The following GINS4 variants were observed in gnomAD, a reference collection of about 807,000 sequenced individuals.
The protein encoded by GINS4 is GINS complex subunit 4.
GINS4 carries 20 observed loss-of-function variants against 31.1 expected under a neutral mutation model. That is an observed-to-expected ratio of 0.64 (90% CI 0.45 to 0.93). The LOEUF is 0.93. Among genes scored for constraint, GINS4 ranks in the 40% least tolerant of loss-of-function variants. GINS4 has a pLI of 0.00. For missense variants in GINS4, 245 were observed against 273.9 expected (o/e 0.89, Z 0.75); for synonymous variants, 85 against 97.9 (o/e 0.87, Z 0.78).
chr8:41,539,681 G>A lies in GINS4; in HGVS notation c.301G>A (p.Glu101Lys). The stretch of plus-strand genomic sequence containing the variant: ...AGATTTTGCTTTATCCTCACAGATA[G>A]AGAAGTTTTTCCCTCATGTCCTTGA... Reference protein sequence around the residue: ...SYLRCRLMKIEKFFPHVLEKE... With the variant: ...SYLRCRLMKIKKFFPHVLEKE... The change falls in exon 5 of 8, where the codon GAG (glutamate) becomes AAG (lysine). Residue 101 changes from glutamate to lysine, a missense_variant. Coordinates refer to ENST00000276533, the MANE Select transcript of GINS4 (RefSeq NM_032336.3). 1.9e-6 allele frequency: 3 copies of A among 1,609,820 alleles called. No individual in the cohort carries two copies. Among genetic ancestry groups the A allele is most frequent in the Non-Finnish European group, 2.6e-6 (3 of 1,176,320 alleles).
chr8:41,535,449 TTTTG>T (rs1051827832), intron 2 of GINS4, among the ~76,000 whole-genome samples: 43 of 152,316 alleles, frequency 2.8e-4, no homozygotes, highest in East Asian at 3.9e-4. Context: ...TGCAGGTTTT[TTTTG>T]TTTGTTTGTT....
At position 41,539,939 on chromosome 8, in the gene GINS4, A is replaced by G. The variant is rs1226326557; in HGVS notation, c.419A>G (p.Tyr140Cys). 6 of 1,614,046 alleles carry G rather than the reference A, an allele frequency of 3.7e-6. No homozygotes were observed. The highest frequency in any genetic ancestry group is 2.7e-5 in the African/African-American group (2 of 74,934). ...AGGTTCATGGCGAACACAGAGTCCT[A>G]TCTGAAAAATGTCGCCTTGAAGCAC... ...AREFMANTESYLKNVALKHMP... is the reference protein window; with the variant it reads ...AREFMANTESCLKNVALKHMP... The change falls in exon 6 of 8, where the codon TAT becomes TGT. Residue 140 changes from tyrosine to cysteine, a missense_variant. Tyr to Cys is a radical substitution (Grantham distance 194). Coordinates refer to ENST00000276533, the MANE Select transcript of GINS4 (RefSeq NM_032336.3).
chr8:41,539,744 C>T lies in GINS4; in HGVS notation c.364C>T (p.Leu122Phe). 1 of 1,614,156 alleles carries T rather than the reference C, an allele frequency of 6.2e-7. No homozygotes were observed. The highest frequency in any genetic ancestry group is 1.7e-5 in the Admixed American group (1 of 60,020). ...KTRPEGEPSS[L>F]SPEELAFARE... Reference sequence around the variant, plus strand: ...ACGTCCTGAGGGGGAGCCTTCCAGCCTCTCGCCGGAAGAGTTGGCCTTTGC... The same window carrying T: ...ACGTCCTGAGGGGGAGCCTTCCAGCTTCTCGCCGGAAGAGTTGGCCTTTGC... The change falls in exon 5 of 8, where the codon CTC becomes TTC. Residue 122 changes from leucine (L) to phenylalanine (F), a missense_variant. By Grantham distance (22) the Leu-to-Phe change is conservative (BLOSUM62 0). Transcript: ENST00000276533.
At chr8:41,538,797 C>T (rs959037082) in intron 4 of GINS4, among the ~76,000 whole-genome samples, 2 of 152,008 alleles carry the variant, frequency 1.3e-5, no homozygotes, top group Non-Finnish European at 2.9e-5. Flanking sequence ...CTTCGCCCCC[C>T]AGGTTGACGT....
rs11992589 is a variant in GINS4 at position 41,544,052 on chromosome 8, T to A, written c.*1965T>A. 38,284 of 152,080 alleles carry A rather than the reference T, an allele frequency of 0.25. 5,200 individuals are homozygous for A. The highest frequency in any genetic ancestry group is 0.35 in the African/African-American group (14,466 of 41,436). The allele number at this position is 152,080 out of a possible 1,614,324, so 9.4% of individuals were successfully genotyped here. On this transcript the variant is annotated 3_prime_UTR_variant, in exon 8 of 8. Transcript: ENST00000276533. ...ACAAAGGTATTTGATACTCGTGCAGTCCCTGGAGGGTCTCACTGGAGAGAC... is the reference window on the plus strand; with the variant it reads ...ACAAAGGTATTTGATACTCGTGCAGACCCTGGAGGGTCTCACTGGAGAGAC...
At chr8:41,538,238 A>C (rs571545694) in intron 4 of GINS4, among the ~76,000 whole-genome samples, 42 of 152,002 alleles carry the variant, frequency 2.8e-4, no homozygotes, top group Non-Finnish European at 5.1e-4. Context: ...CAAACCATTT[A>C]CTCTCCTGGT....
intron 2 of GINS4, among the ~76,000 whole-genome samples, chr8:41,533,331 C>A (rs756978983): frequency 2.0e-5 from 3 of 152,220 alleles, no homozygotes; most frequent in Non-Finnish European, 4.4e-5. Context: ...TCTGTGTGGA[C>A]CCCTGCACCT....
intron 2 of GINS4, among the ~76,000 whole-genome samples, chr8:41,532,953 T>G (rs1325247883): frequency 6.6e-6 from 1 of 151,998 alleles, no homozygotes; most frequent in Non-Finnish European, 1.5e-5. Context: ...AAGGTGCACA[T>G]ACCTGCGGCC....
intron 2 of GINS4, among the ~76,000 whole-genome samples, chr8:41,534,752 A>G (rs1233666578): frequency 6.7e-6 from 1 of 149,412 alleles, no homozygotes; most frequent in Admixed American, 6.6e-5. Flanking sequence ...TTTTTTTTTG[A>G]GATGGAGTCT....
At chr8:41,533,484 A>G (rs1466368169) in intron 2 of GINS4, among the ~76,000 whole-genome samples, 2 of 152,064 alleles carry the variant, frequency 1.3e-5, no homozygotes, top group Admixed American at 1.3e-4. Context: ...GTAACATCTC[A>G]TGCCTGATGC....
intron 6 of GINS4, 113 bp from the exon 7 acceptor site, chr8:41,541,696 G>C: frequency 1.3e-6 from 1 of 754,110 alleles, no homozygotes; most frequent in Non-Finnish European, 2.3e-6. Context: ...AGTAGGAATG[G>C]GCTGGGCTCC....
At chr8:41,541,131 G>A (rs954576843) in intron 6 of GINS4, among the ~76,000 whole-genome samples, 1 of 150,564 alleles carries the variant, frequency 6.6e-6, no homozygotes, top group Non-Finnish European at 1.5e-5. Context: ...GTAGATTGAC[G>A]CTGTCATAGC....
intron 2 of GINS4, among the ~76,000 whole-genome samples, chr8:41,533,879 C>G (rs1806694253): frequency 6.6e-6 from 1 of 152,138 alleles, no homozygotes; most frequent in African/African-American, 2.4e-5. Flanking sequence ...CTCCCTGTGT[C>G]CTTGCATGGT....
rs146596984 is a variant in GINS4 at position 41,535,463 on chromosome 8, T to A, written c.97-897T>A. Among the ~76,000 whole-genome samples the A allele has an allele frequency of 1.2e-3, 189 of 152,336 alleles. 1 individual carries two copies. Among genetic ancestry groups the A allele is most frequent in the African/African-American group, 4.0e-3 (168 of 41,566 alleles). ...ATGCAGGTTTTTTTTGTTTGTTTGTTTCAGTCTGCAGGACTGTTACAGATG... is the reference window on the plus strand; with the variant it reads ...ATGCAGGTTTTTTTTGTTTGTTTGTATCAGTCTGCAGGACTGTTACAGATG... On this transcript the variant is annotated intron_variant, in intron 2 of 7. Transcript: ENST00000276533.
Position 41,544,020 on chromosome 8 carries a change from T to G in GINS4, c.*1933T>G, listed in dbSNP as rs893314948. The G allele has an allele frequency of 6.6e-6, 1 of 152,194 alleles. No homozygotes were observed. The highest frequency in any genetic ancestry group is 2.4e-5 in the African/African-American group (1 of 41,444). The allele number at this position is 152,194 out of a possible 1,614,324, so 9.4% of individuals were successfully genotyped here. On this transcript the variant is annotated 3_prime_UTR_variant, in exon 8 of 8. Coordinates refer to ENST00000276533, the MANE Select transcript of GINS4 (RefSeq NM_032336.3). The stretch of plus-strand genomic sequence containing the variant: ...CTGCGCACGGCCTGGGGAGGTTTTA[T>G]TTCTTGACAAAGGTATTTGATACTC...
rs1403026684 is a variant in GINS4, at chr8:41,543,469, A to G, written c.*1382A>G. The G allele has an allele frequency of 6.6e-6, 1 of 152,220 alleles. No individual in the cohort carries two copies. Among genetic ancestry groups the G allele is most frequent in the African/African-American group, 2.4e-5 (1 of 41,456 alleles). The allele number at this position is 152,220 out of a possible 1,614,324, so 9.4% of individuals were successfully genotyped here. The stretch of plus-strand genomic sequence containing the variant: ...TAAGTCCTTCACTTTTTCAAGAGGA[A>G]TGGATGAAATTAATGTGCATGCAGA... On this transcript the variant is annotated 3_prime_UTR_variant, in exon 8 of 8. Coordinates refer to ENST00000276533, the MANE Select transcript of GINS4 (RefSeq NM_032336.3).
At chr8:41,531,649 C>T (rs1245296904) in intron 2 of GINS4, among the ~76,000 whole-genome samples, 5 of 152,110 alleles carry the variant, frequency 3.3e-5, no homozygotes, top group African/African-American at 4.8e-5. Flanking sequence ...GGTCTTTCAT[C>T]CCACAATAAC....
At chr8:41,539,602 C>T (rs1168517575) in intron 4 of GINS4, 76 bp from the exon 5 acceptor site, 1 of 1,061,900 alleles carries the variant, frequency 9.4e-7, no homozygotes, top group Non-Finnish European at 1.4e-6. Flanking sequence ...GTTGTGTAAA[C>T]CCTCTTTATG....
chr8:41,537,184 A>G lies in GINS4; in HGVS notation c.188A>G (p.Glu63Gly). ...CVMEQLEHME[E>G]NLRRAKREDL... ...CCTTAATTTCTCATTTAATAGGAAG[A>G]AAATCTCAGGAGAGCCAAAAGGGAG... Residue 63 changes from glutamate (E) to glycine (G), a missense_variant, in exon 4 of 8, where the codon GAA (glutamate) becomes GGA (glycine). Transcript: ENST00000276533. 6.2e-7 allele frequency: 1 copy of G among 1,607,510 alleles called. No individual in the cohort carries two copies. Among genetic ancestry groups the G allele is most frequent in the Non-Finnish European group, 8.5e-7 (1 of 1,174,042 alleles).
Sources: gnomAD v4.1 joint callset for allele counts (sites outside exome capture counted in the v4.1 genomes callset) on GRCh38, gnomAD v4.1.1 for gene constraint, MANE v1.5 for transcripts, NCBI Gene and HGNC (gene_info 2026-07-23, HGNC 2026-07-21) for gene names.